Variants in CSMD1 observed in about 807,000 individuals in gnomAD.
CSMD1 encodes the protein CUB and sushi domain-containing protein 1.
In CSMD1, 213 loss-of-function variants were observed where a neutral mutation model predicts 417.5. That is an observed-to-expected ratio of 0.51 (90% confidence interval 0.46 to 0.57). The LOEUF is 0.57. Among genes scored for constraint, CSMD1 ranks in the 20% least tolerant of loss-of-function variants. The pLI is 0.00. For missense variants in CSMD1, 6,923 were observed against 4,529.7 expected (o/e 1.53, Z -15.17); for synonymous variants, 2,862 against 1,736.8 (o/e 1.65, Z -16.11).
At chr8:4,817,422 C>A (rs1021916954) in intron 1 of CSMD1, among the ~76,000 whole-genome samples, 1 of 152,210 alleles carries the variant, frequency 6.6e-6, no homozygotes, top group African/African-American at 2.4e-5. Flanking sequence ...CACAGCACAG[C>A]AAGTGTTTTC....
intron 3 of CSMD1, among the ~76,000 whole-genome samples, chr8:4,039,886 A>G (rs1400966122): frequency 2.0e-5 from 3 of 152,176 alleles, no homozygotes; most frequent in African/African-American, 7.2e-5. Context: ...AATTACTTAG[A>G]TCTTAGTTTC....
intron 50 of CSMD1, among the ~76,000 whole-genome samples, chr8:3,035,027 C>T (rs750204334): frequency 2.0e-5 from 3 of 152,268 alleles, no homozygotes; most frequent in Non-Finnish European, 2.9e-5. Flanking sequence ...TAAACATGCA[C>T]GCCTCCCCTA....
intron 3 of CSMD1, among the ~76,000 whole-genome samples, chr8:4,195,332 C>T (rs1388809872): frequency 6.6e-6 from 1 of 152,142 alleles, no homozygotes; most frequent in African/African-American, 2.4e-5. Flanking sequence ...TTCTATAGAA[C>T]AGGATAAGTT....
At chr8:4,973,005 C>T (rs533727588) in intron 1 of CSMD1, among the ~76,000 whole-genome samples, 1 of 151,954 alleles carries the variant, frequency 6.6e-6, no homozygotes, top group Non-Finnish European at 1.5e-5. Flanking sequence ...TTGATCCCAT[C>T]GTTTTATATT....
At chr8:3,999,722 C>A (rs1815510439) in intron 4 of CSMD1, among the ~76,000 whole-genome samples, 1 of 152,152 alleles carries the variant, frequency 6.6e-6, no homozygotes, top group Non-Finnish European at 1.5e-5. Context: ...CTAATGGCAG[C>A]TTTAGAATGG....
Position 3,575,171 on chromosome 8 carries a change from A to G in CSMD1, c.1223-105T>C, listed in dbSNP as rs1390227352. On this transcript the variant is annotated intron_variant, in intron 9 of 69. Transcript: ENST00000635120. ...AAGTTAGCTATTATCTAATCACAGT[A>G]AAAAAAAAAAAAAAAATGGTGCATG... 5.4e-4 allele frequency: 3 copies of G among 5,520 alleles called. No homozygotes were observed. The South Asian group carries it at 7.2e-3, about 13-fold the overall frequency. 0.3% of individuals were successfully genotyped at this position (5,520 alleles called of 1,614,324 possible).
At chr8:3,343,828 C>G (rs1807814756) in intron 22 of CSMD1, among the ~76,000 whole-genome samples, 2 of 151,994 alleles carry the variant, frequency 1.3e-5, no homozygotes, top group African/African-American at 2.4e-5. Flanking sequence ...ATATTTTAGT[C>G]TTGAATATCT....
At chr8:3,930,534 G>C (rs1003009571) in intron 5 of CSMD1, among the ~76,000 whole-genome samples, 1 of 150,140 alleles carries the variant, frequency 6.7e-6, no homozygotes, top group African/African-American at 2.5e-5. Flanking sequence ...CTTTTCAAAA[G>C]TTCTAAGTTG....
chr8:4,130,256 G>A (rs752819140), intron 3 of CSMD1, among the ~76,000 whole-genome samples: 1 of 152,084 alleles, frequency 6.6e-6, no homozygotes, highest in Non-Finnish European at 1.5e-5. Context: ...GAGAGCCAAG[G>A]ATGTCTATAT....
intron 25 of CSMD1, among the ~76,000 whole-genome samples, chr8:3,295,122 T>G (rs1803867849): frequency 1.0e-5 from 1 of 96,810 alleles, no homozygotes; most frequent in Non-Finnish European, 2.4e-5. Context: ...TTTTATTTTA[T>G]TTATTTATTT....
intron 7 of CSMD1, among the ~76,000 whole-genome samples, chr8:3,681,466 G>C (rs542130525): frequency 4.6e-5 from 7 of 152,160 alleles, no homozygotes; most frequent in Admixed American, 2.6e-4. Flanking sequence ...AAAATACCTA[G>C]GAATCCAGCT....
chr8:4,049,588 T>C (rs1050862463), intron 3 of CSMD1, among the ~76,000 whole-genome samples: 10 of 152,264 alleles, frequency 6.6e-5, no homozygotes, highest in Admixed American at 3.9e-4. Flanking sequence ...ACCTGCTCTG[T>C]CTTTTTTATT....
At chr8:4,471,010 G>C (rs964121375) in intron 2 of CSMD1, among the ~76,000 whole-genome samples, 14 of 152,076 alleles carry the variant, frequency 9.2e-5, no homozygotes, top group African/African-American at 3.4e-4. Flanking sequence ...TTTTATGTAC[G>C]AGGATTCTAT....
At chr8:3,634,589 A>T (rs1490998103) in intron 7 of CSMD1, among the ~76,000 whole-genome samples, 1 of 152,168 alleles carries the variant, frequency 6.6e-6, no homozygotes, top group East Asian at 1.9e-4. Flanking sequence ...AGCCATGCAC[A>T]TAATGACCTT....
At chr8:3,746,263 C>T in intron 6 of CSMD1, among the ~76,000 whole-genome samples, 1 of 152,162 alleles carries the variant, frequency 6.6e-6, no homozygotes, top group East Asian at 1.9e-4. Flanking sequence ...TGCGGGAAAA[C>T]AATTTACGAA....
chr8:3,753,827 A>G (rs1278022943), intron 6 of CSMD1, 103 bp downstream of exon 6: 12 of 715,156 alleles, frequency 1.7e-5, no homozygotes, highest in Admixed American at 2.8e-5. Flanking sequence ...ATTAGAAACC[A>G]TTTTCAAGCT....
intron 12 of CSMD1, among the ~76,000 whole-genome samples, chr8:3,445,668 C>T (rs903581795): frequency 6.6e-6 from 1 of 151,894 alleles, no homozygotes; most frequent in South Asian, 2.1e-4. Context: ...AGAAATACGT[C>T]GGAACTAGAG....
At chr8:3,452,602 T>C (rs1030571196) in intron 12 of CSMD1, among the ~76,000 whole-genome samples, 1 of 152,220 alleles carries the variant, frequency 6.6e-6, no homozygotes, top group Non-Finnish European at 1.5e-5. Flanking sequence ...TGGTTCTGTT[T>C]ATATGCTGGA....
At chr8:3,715,594 G>C (rs1244949241) in intron 6 of CSMD1, among the ~76,000 whole-genome samples, 5 of 152,144 alleles carry the variant, frequency 3.3e-5, no homozygotes, top group Non-Finnish European at 5.9e-5. Context: ...CCACGCTGGA[G>C]TGCAGTGACA....
Sources: allele counts gnomAD v4.1 joint callset (sites outside exome capture counted in the v4.1 genomes callset), GRCh38; gene constraint gnomAD v4.1.1; transcripts MANE v1.5; gene names NCBI Gene and HGNC (gene_info 2026-07-23, HGNC 2026-07-21).